FSD1L: variants seen among roughly 807,000 people sequenced by gnomAD.
The protein encoded by FSD1L is fibronectin type III and SPRY domain containing 1 like.
In FSD1L, 45 loss-of-function variants were observed where a neutral mutation model predicts 71.6. The ratio of observed to expected loss-of-function variants is 0.63; its 90% CI spans 0.49 to 0.81. The LOEUF is 0.81. Among genes scored for constraint, FSD1L ranks in the 30% least tolerant of loss-of-function variants. The probability of loss-of-function intolerance (pLI) is 0.00; values close to 1 mark genes in which losing one functional copy is unlikely to be tolerated. For missense variants in FSD1L, 561 were observed against 618.1 expected (o/e 0.91, Z 0.98); for synonymous variants, 197 against 207.2 (o/e 0.95, Z 0.42).
chr9:105,471,714 A>T (rs1434605660), intron 4 of FSD1L, among the ~76,000 whole-genome samples, 190 bp from the exon 5 acceptor site: 2 of 128,042 alleles, frequency 1.6e-5, no homozygotes, highest in Non-Finnish European at 1.6e-5. Flanking sequence ...TATAAAAAAA[A>T]TAACACGTTT....
At chr9:105,470,119 G>A (rs1034891172) in intron 4 of FSD1L, among the ~76,000 whole-genome samples, 9 of 152,148 alleles carry the variant, frequency 5.9e-5, no homozygotes, top group African/African-American at 1.7e-4. Flanking sequence ...ATTGGTCTGT[G>A]TATCTGTCTT....
At chr9:105,542,409 A>C (rs1304152823) in intron 13 of FSD1L, among the ~76,000 whole-genome samples, 1 of 151,996 alleles carries the variant, frequency 6.6e-6, no homozygotes, top group Non-Finnish European at 1.5e-5. Context: ...GTATCTGTTA[A>C]AATTATTTGC....
At position 105,546,618 on chromosome 9, in the gene FSD1L, T is replaced by TAA; in HGVS notation, c.*137_*138dup. The TAA allele has an allele frequency of 6.2e-6, 5 of 803,030 alleles. No individual in the cohort carries two copies. Among genetic ancestry groups the TAA allele is most frequent in the Non-Finnish European group, 9.2e-6 (5 of 545,582 alleles). 49.7% of individuals were successfully genotyped at this position (803,030 alleles called of 1,614,324 possible). A position where few individuals can be genotyped will look rare whatever the true frequency, so the allele number is the denominator to read the frequency against. ...TTTGAGGCCTGGAATCTTTTATCAT[T>TAA]AAACACCTAGTACGAAGCATTTGCA... On this transcript the variant is annotated 3_prime_UTR_variant, in exon 14 of 14. Coordinates refer to ENST00000481272, the MANE Select transcript of FSD1L (RefSeq NM_001145313.3).
At chr9:105,521,647 T>A in intron 10 of FSD1L, 1 of 1,613,342 alleles carries the variant, frequency 6.2e-7, no homozygotes, top group Non-Finnish European at 8.5e-7. Flanking sequence ...CTCCCTTGCA[T>A]TGAAAATGTC....
In FSD1L at chr9:105,549,776, T is replaced by G. The variant is rs571265835; in HGVS notation, c.*3293T>G. The G allele has an allele frequency of 6.6e-6, 1 of 152,062 alleles. No individual in the cohort carries two copies. Among genetic ancestry groups the G allele is most frequent in the African/African-American group, 2.4e-5 (1 of 41,456 alleles). The allele number at this position is 152,062 out of a possible 1,614,324, so 9.4% of individuals were successfully genotyped here. On this transcript the variant is annotated 3_prime_UTR_variant, in exon 14 of 14. Transcript: ENST00000481272. ...GGAATCTTTTAATTAGGCTAAGATA[T>G]GCTATTTCATAACTTATGTAGAATG...
At chr9:105,490,357 T>C (rs1832843586) in intron 7 of FSD1L, among the ~76,000 whole-genome samples, 1 of 152,130 alleles carries the variant, frequency 6.6e-6, no homozygotes, top group South Asian at 2.1e-4. Flanking sequence ...GAGTTGTTTG[T>C]TTTTTTCTTG....
chr9:105,523,130 A>G (rs1197863414), intron 10 of FSD1L: 2 of 1,613,726 alleles, frequency 1.2e-6, no homozygotes, highest in African/African-American at 2.7e-5. Flanking sequence ...TGGCTAGTCT[A>G]ACTACTCTTC....
At chr9:105,474,522 T>C (rs1831669839) in intron 5 of FSD1L, among the ~76,000 whole-genome samples, 1 of 152,236 alleles carries the variant, frequency 6.6e-6, no homozygotes, top group South Asian at 2.1e-4. Flanking sequence ...CCTAGCCAGC[T>C]ACATGGACTA....
intron 7 of FSD1L, among the ~76,000 whole-genome samples, chr9:105,495,235 C>T (rs1383461470): frequency 3.3e-5 from 5 of 152,224 alleles, no homozygotes; most frequent in African/African-American, 1.2e-4. Flanking sequence ...TCGCTGCCAC[C>T]TTGCAGTTTG....
chr9:105,448,367 G>A (rs1829758707), intron 1 of FSD1L, 132 bp downstream of exon 1: 2 of 836,798 alleles, frequency 2.4e-6, no homozygotes, highest in East Asian at 7.0e-5. Flanking sequence ...TGCTGCGGAG[G>A]GCAAGGCCGC....
At chr9:105,522,174 C>G in intron 10 of FSD1L, 3 of 1,613,984 alleles carry the variant, frequency 1.9e-6, no homozygotes, top group Non-Finnish European at 1.7e-6. Context: ...CTCCCGAGAA[C>G]TTTGGGATGA....
rs527923665 is a variant in FSD1L at position 105,468,230 on chromosome 9, A to G, written c.245A>G (p.Glu82Gly). The G allele has an allele frequency of 6.9e-7, 1 of 1,442,976 alleles. No individual in the cohort carries two copies. Among genetic ancestry groups the G allele is most frequent in the African/African-American group, 1.5e-5 (1 of 66,524 alleles). The allele number at this position is 1,442,976 out of a possible 1,614,324, so 89.4% of individuals were successfully genotyped here. Reference sequence around the variant, plus strand: ...AACATACTCTCAGAGTTAGATGAAGAATTTGATAGTTTATACTCTATACTG... The same window carrying G: ...AACATACTCTCAGAGTTAGATGAAGGATTTGATAGTTTATACTCTATACTG... The part of the protein sequence containing the change: ...SSNILSELDE[E>G]FDSLYSILDE... Residue 82 changes from glutamate to glycine, a missense_variant, in exon 4 of 14, where the codon GAA (glutamate) becomes GGA (glycine). This residue lies in a region of FSD1L where 410 missense variants were observed against 413.5 expected (regional missense o/e 0.99). Transcript: ENST00000481272.
intron 4 of FSD1L, among the ~76,000 whole-genome samples, 186 bp from the exon 5 acceptor site, chr9:105,471,715 TAAC>T (rs1482941803): frequency 8.3e-6 from 1 of 120,606 alleles, no homozygotes; most frequent in Non-Finnish European, 1.6e-5. Context: ...ATAAAAAAAA[TAAC>T]ACGTTTTATA....
At chr9:105,502,719 T>C (rs1348774813) in intron 7 of FSD1L, among the ~76,000 whole-genome samples, 1 of 152,120 alleles carries the variant, frequency 6.6e-6, no homozygotes, top group Non-Finnish European at 1.5e-5. Context: ...TCCCTTCTTT[T>C]GGGCTTTCAA....
chr9:105,546,370 G>A lies in FSD1L; in HGVS notation c.1480G>A (p.Gly494Arg). 2 of 1,546,608 alleles carry A rather than the reference G, an allele frequency of 1.3e-6. No homozygotes were observed. The highest frequency in any genetic ancestry group is 1.7e-6 in the Non-Finnish European group (2 of 1,145,130). The change falls in exon 14 of 14, where the codon GGA becomes AGA. Residue 494 changes from glycine to arginine, a missense_variant. Gly to Arg is a moderately radical substitution (Grantham distance 125). Transcript: ENST00000481272. ...VLPGFMVWCG[G>R]LSLSTGMQVP... is the part of the protein sequence containing the mutation. ...TGTCTTTTCTTAGGTATGGTGTGGT[G>A]GACTTTCTTTGAGTACTGGGATGCA...
intron 5 of FSD1L, among the ~76,000 whole-genome samples, chr9:105,476,853 GC>G (rs1831838003): frequency 6.6e-6 from 1 of 152,098 alleles, no homozygotes; most frequent in African/African-American, 2.4e-5. Flanking sequence ...TTGAAACTCT[GC>G]CTTCTAATCA....
At chr9:105,500,668 A>T (rs1385303052) in intron 7 of FSD1L, 1 of 152,186 alleles carries the variant, frequency 6.6e-6, no homozygotes, top group Non-Finnish European at 1.5e-5. Context: ...AGAACCTGGT[A>T]AGCTCCTGGA....
intron 10 of FSD1L, among the ~76,000 whole-genome samples, chr9:105,528,660 C>A (rs1835682726): frequency 6.6e-6 from 1 of 152,116 alleles, no homozygotes; most frequent in Non-Finnish European, 1.5e-5. Flanking sequence ...AAAGATAAGA[C>A]CTAAAACCAT....
At chr9:105,445,768 T>C (rs1829628541), upstream of FSD1L, among the ~76,000 whole-genome samples, 1 of 152,168 alleles carries the variant, frequency 6.6e-6, no homozygotes, top group South Asian at 2.1e-4. Context: ...GCTGCAGCAG[T>C]GGGCTAATGG....
Sources: gnomAD v4.1 joint callset for allele counts (sites outside exome capture counted in the v4.1 genomes callset) on GRCh38, gnomAD v4.1.1 for gene constraint, gnomAD v4.1.1 regional missense constraint, MANE v1.5 for transcripts, NCBI Gene and HGNC (gene_info 2026-07-23, HGNC 2026-07-21) for gene names.